Variants in PKD2 observed in about 807,000 individuals in gnomAD.
PKD2 encodes polycystin 2, transient receptor potential cation channel, also known as polycystin-2.
A neutral mutation model predicts 105.9 loss-of-function variants in PKD2; 48 were observed. The observed-to-expected ratio is 0.45, with a 90% CI of 0.36 to 0.58. PKD2 has a LOEUF of 0.58. Among genes scored for constraint, PKD2 ranks in the 20% least tolerant of loss-of-function variants. The probability of loss-of-function intolerance (pLI) is 0.00; values close to 1 mark genes in which losing one functional copy is unlikely to be tolerated. For missense variants in PKD2, 1,078 were observed against 1,255.3 expected (o/e 0.86, Z 2.13); for synonymous variants, 464 against 481.1 (o/e 0.96, Z 0.46).
At chr4:88,021,183 C>T (rs1726735633) in intron 2 of PKD2, among the ~76,000 whole-genome samples, 1 of 152,148 alleles carries the variant, frequency 6.6e-6, no homozygotes, top group South Asian at 2.1e-4. Flanking sequence ...AACCCCTGTA[C>T]GTAAGTCTAG....
chr4:88,072,978 T>A (rs1256659660), intron 13 of PKD2, among the ~76,000 whole-genome samples: 2 of 144,668 alleles, frequency 1.4e-5, no homozygotes, highest in Non-Finnish European at 3.0e-5. Context: ...GAGGTTGCAG[T>A]GAGTCAAGAT....
rs764720795 is a variant in PKD2, at chr4:88,043,310, A to G, written c.1172A>G (p.Tyr391Cys). The part of the protein sequence containing the change: ...GIIATYSGAG[Y>C]YLDLSRTREE... ...ATTGCAACTTATAGTGGAGCTGGCT[A>G]TTATCTGGATTTGTCAAGAACAAGA... Residue 391 changes from tyrosine (Y) to cysteine (C), a missense_variant, in exon 5 of 15, where the codon TAT (tyrosine) becomes TGT (cysteine). By Grantham distance (194) the Tyr-to-Cys change is radical. Around this residue, in one of 2 missense-constraint regions of PKD2, gnomAD observed 868 missense variants for 1,067.3 expected, o/e 0.81. Transcript: ENST00000237596. The G allele has an allele frequency of 5.0e-6, 8 of 1,613,320 alleles. No homozygotes were observed. The Admixed American group carries it at 5.0e-5, about 10-fold the overall frequency.
chr4:88,008,173 C>T lies in PKD2; in HGVS notation c.440C>T (p.Ala147Val), dbSNP rs1262771934. 10 of 1,395,476 alleles carry T rather than the reference C, an allele frequency of 7.2e-6. No individual in the cohort carries two copies. The highest frequency in any genetic ancestry group is 8.3e-6 in the Non-Finnish European group (9 of 1,081,234). 86.4% of individuals were successfully genotyped at this position (1,395,476 alleles called of 1,614,324 possible). A position where few individuals can be genotyped will look rare whatever the true frequency, so the allele number is the denominator to read the frequency against. Residue 147 changes from alanine to valine, a missense_variant, in exon 1 of 15, where the codon GCG becomes GTG. Coordinates refer to ENST00000237596, the MANE Select transcript of PKD2 (RefSeq NM_000297.4). The part of the protein sequence containing the change: ...RSRGLGGYHG[A>V]GHPSGRRRRR... Reference sequence around the variant, plus strand: ...CGGGGGCTTGGGGGCTACCACGGCGCGGGCCACCCGAGCGGGAGGCGGCGC... The same window carrying T: ...CGGGGGCTTGGGGGCTACCACGGCGTGGGCCACCCGAGCGGGAGGCGGCGC...
In PKD2 at chr4:88,075,672, G is replaced by A. The variant is rs1361249800; in HGVS notation, c.2885G>A (p.Gly962Glu). Residue 962 changes from glycine to glutamate, a missense_variant, in exon 15 of 15, where the codon GGG becomes GAG. Gly to Glu is a moderately conservative substitution (Grantham distance 98, BLOSUM62 -2). Transcript: ENST00000237596. ...TEGMEGAGGN[G>E]SSNVHV ...GGCATGGAAGGTGCAGGTGGAAATG[G>A]GAGTTCTAATGTCCACGTATGATAT... The A allele has an allele frequency of 6.2e-7, 1 of 1,612,876 alleles. No homozygotes were observed. Among genetic ancestry groups the A allele is most frequent in the Admixed American group, 1.7e-5 (1 of 60,018 alleles).
chr4:88,057,914 A>G (rs1482205572), intron 8 of PKD2, 69 bp from the exon 9 acceptor site: 2 of 1,215,400 alleles, frequency 1.6e-6, no homozygotes, highest in African/African-American at 3.0e-5. Flanking sequence ...AATCATCTTT[A>G]AGAAATGTTG....
intron 1 of PKD2, among the ~76,000 whole-genome samples, chr4:88,016,587 A>C (rs183937713): frequency 2.0e-5 from 3 of 152,198 alleles, no homozygotes; most frequent in African/African-American, 4.8e-5. Context: ...TTGGTCCTAC[A>C]TACACACCCA....
At chr4:88,027,818 GGTAA>G (rs1727010238) in intron 2 of PKD2, among the ~76,000 whole-genome samples, 1 of 42,640 alleles carries the variant, frequency 2.3e-5, no homozygotes, top group Non-Finnish European at 4.4e-5. Context: ...CTGGTTTTTT[GGTAA>G]GTGTCTGGGC....
intron 3 of PKD2, among the ~76,000 whole-genome samples, chr4:88,038,038 A>G (rs1486053423): frequency 6.6e-6 from 1 of 152,220 alleles, no homozygotes; most frequent in Non-Finnish European, 1.5e-5. Flanking sequence ...TCCAGATGCA[A>G]GAACCTTGGT....
At chr4:88,050,034 G>T (rs1248155604) in intron 6 of PKD2, among the ~76,000 whole-genome samples, 1 of 146,806 alleles carries the variant, frequency 6.8e-6, no homozygotes, top group African/African-American at 2.6e-5. Context: ...GAGTACAGTG[G>T]CACCATCTCG....
At chr4:88,024,202 A>G (rs1210919373) in intron 2 of PKD2, among the ~76,000 whole-genome samples, 1 of 152,126 alleles carries the variant, frequency 6.6e-6, no homozygotes, top group African/African-American at 2.4e-5. Context: ...CATGCCTGTA[A>G]TCTCAGCACT....
chr4:88,050,782 C>T (rs1720057882), intron 6 of PKD2, among the ~76,000 whole-genome samples: 1 of 151,618 alleles, frequency 6.6e-6, no homozygotes, highest in Non-Finnish European at 1.5e-5. Context: ...CCACCACCAA[C>T]ACAAAAATAC....
rs1392093609 is a variant in PKD2 at position 88,007,759 on chromosome 4, C to T, written c.26C>T (p.Pro9Leu). The T allele has an allele frequency of 8.3e-7, 1 of 1,197,766 alleles. No homozygotes were observed. Among genetic ancestry groups the T allele is most frequent in the Non-Finnish European group, 1.0e-6 (1 of 955,290 alleles). 74.2% of individuals were successfully genotyped at this position (1,197,766 alleles called of 1,614,324 possible). MVNSSRVQ[P>L]QQPGDAKRPP... ...ATGGTGAACTCCAGTCGCGTGCAGCCTCAGCAGCCCGGGGACGCCAAGCGG... is the reference window on the plus strand; with the variant it reads ...ATGGTGAACTCCAGTCGCGTGCAGCTTCAGCAGCCCGGGGACGCCAAGCGG... The change falls in exon 1 of 15, where the codon CCT becomes CTT. Residue 9 changes from proline to leucine, a missense_variant. This residue lies in a region of PKD2 where 210 missense variants were observed against 187.9 expected (regional missense o/e 1.12). Transcript: ENST00000237596.
rs1720124264 is a variant in PKD2 at position 88,052,057 on chromosome 4, C to G, written c.1615C>G (p.Leu539Val). The change falls in exon 7 of 15, where the codon CTG becomes GTG. Residue 539 changes from leucine (L) to valine (V), a missense_variant. Coordinates refer to ENST00000237596, the MANE Select transcript of PKD2 (RefSeq NM_000297.4). The part of the protein sequence containing the change: ...TSNVEVLLQF[L>V]EDQNTFPNFE... ...AAATGTGGAGGTGCTACTACAGTTT[C>G]TGGAAGATCAAAATACTTTCCCCAA... The G allele has an allele frequency of 6.2e-7, 1 of 1,602,906 alleles. No individual in the cohort carries two copies. Among genetic ancestry groups the G allele is most frequent in the African/African-American group, 1.3e-5 (1 of 74,702 alleles).
chr4:88,041,080 CCT>C (rs1219601248), intron 4 of PKD2, among the ~76,000 whole-genome samples: 1 of 152,184 alleles, frequency 6.6e-6, no homozygotes, highest in Non-Finnish European at 1.5e-5. Flanking sequence ...ATGTCCCACA[CCT>C]CTTGTGATTT....
At chr4:88,026,188 A>G (rs529826457) in intron 2 of PKD2, among the ~76,000 whole-genome samples, 119 of 152,328 alleles carry the variant, frequency 7.8e-4, no homozygotes, top group Non-Finnish European at 1.4e-3. Context: ...AATTTCCTAG[A>G]GACTTGTTGA....
intron 13 of PKD2, among the ~76,000 whole-genome samples, chr4:88,072,032 G>A (rs539012250): frequency 6.8e-6 from 1 of 146,546 alleles, no homozygotes; most frequent in Non-Finnish European, 1.5e-5. Flanking sequence ...GCCCAGGCCG[G>A]AATGTAGTGG....
At chr4:88,048,328 A>G (rs1727851385) in intron 6 of PKD2, among the ~76,000 whole-genome samples, 1 of 152,212 alleles carries the variant, frequency 6.6e-6, no homozygotes, top group Admixed American at 6.5e-5. Flanking sequence ...ATTTAGATCA[A>G]GTCATTATTA....
At chr4:88,032,495 G>C (rs1413114816) in intron 2 of PKD2, among the ~76,000 whole-genome samples, 1 of 152,108 alleles carries the variant, frequency 6.6e-6, no homozygotes, top group Non-Finnish European at 1.5e-5. Flanking sequence ...TTTTGTTCTA[G>C]TTTATTTTAT....
Position 88,075,531 on chromosome 4 carries a change from G to T in PKD2, c.2744G>T (p.Arg915Leu), listed in dbSNP as rs755957288. 4 of 1,614,134 alleles carry T rather than the reference G, an allele frequency of 2.5e-6. No homozygotes were observed. The highest frequency in any genetic ancestry group is 3.4e-6 in the Non-Finnish European group (4 of 1,179,992). The change falls in exon 15 of 15, where the codon CGC (arginine) becomes CTC (leucine). Residue 915 changes from arginine to leucine, a missense_variant. Around this residue, in one of 2 missense-constraint regions of PKD2, gnomAD observed 868 missense variants for 1,067.3 expected, o/e 0.81. Transcript: ENST00000237596. ...MERLVREELE[R>L]WESDDAASQI... Reference sequence around the variant, plus strand: ...CGGCTAGTACGTGAAGAGTTGGAACGCTGGGAATCCGATGATGCAGCTTCC... The same window carrying T: ...CGGCTAGTACGTGAAGAGTTGGAACTCTGGGAATCCGATGATGCAGCTTCC...
Sources: allele counts gnomAD v4.1 joint callset (sites outside exome capture counted in the v4.1 genomes callset), GRCh38; gene constraint gnomAD v4.1.1; regional missense constraint gnomAD v4.1.1; transcripts MANE v1.5; gene names NCBI Gene and HGNC (gene_info 2026-07-23, HGNC 2026-07-21).